Variants in DYM observed in about 807,000 individuals in gnomAD.
DYM encodes the protein dyggve-Melchior-Clausen syndrome protein.
Under a neutral mutation model 93.1 loss-of-function variants are expected in DYM, and 78 were observed. The observed-to-expected ratio is 0.84, with a 90% CI of 0.70 to 1.01. The LOEUF (loss-of-function observed/expected upper bound fraction) is 1.01, where lower values mean the gene tolerates loss of function less well. Among genes scored for constraint, DYM ranks in the 50% least tolerant of loss-of-function variants. The pLI is 0.00. For missense variants in DYM, 789 were observed against 845.0 expected, an observed-to-expected ratio of 0.93 and a Z score of 0.82; for synonymous variants, 321 against 319.7, an observed-to-expected ratio of 1.00 and a Z score of -0.04.
At chr18:49,411,611 G>A (rs911645933) in intron 2 of DYM, among the ~76,000 whole-genome samples, 21 of 152,046 alleles carry the variant, frequency 1.4e-4, no homozygotes, top group African/African-American at 4.8e-4. Context: ...AAAGCAGATA[G>A]GCAAAAAAAT....
chr18:49,447,989 G>C (rs896372268), intron 1 of DYM, among the ~76,000 whole-genome samples: 4 of 152,142 alleles, frequency 2.6e-5, no homozygotes, highest in Non-Finnish European at 4.4e-5. Flanking sequence ...TAGAGAGTAT[G>C]TGGTGTTTCA....
chr18:49,351,436 A>G (rs959766919), intron 6 of DYM, among the ~76,000 whole-genome samples: 1 of 152,164 alleles, frequency 6.6e-6, no homozygotes, highest in African/African-American at 2.4e-5. Context: ...AATATTGAAT[A>G]ACACAAAAAA....
At chr18:49,394,071 AT>A (rs1206147015) in intron 2 of DYM, among the ~76,000 whole-genome samples, 1 of 152,224 alleles carries the variant, frequency 6.6e-6, no homozygotes, top group Non-Finnish European at 1.5e-5. Flanking sequence ...TAATGATTGC[AT>A]GATAATGTGA....
At chr18:49,084,059 C>T (rs969965087) in intron 17 of DYM, among the ~76,000 whole-genome samples, 2 of 151,978 alleles carry the variant, frequency 1.3e-5, no homozygotes, top group African/African-American at 4.8e-5. Context: ...TTTTTAGTTT[C>T]TTAAGGTAGA....
chr18:49,112,060 G>A (rs1418692777), intron 16 of DYM, among the ~76,000 whole-genome samples: 1 of 151,680 alleles, frequency 6.6e-6, no homozygotes, highest in Non-Finnish European at 1.5e-5. Flanking sequence ...TGCAATAATG[G>A]GTCTCTACCT....
chr18:49,354,288 C>T (rs1042968837), intron 6 of DYM, among the ~76,000 whole-genome samples: 4 of 151,962 alleles, frequency 2.6e-5, no homozygotes, highest in African/African-American at 9.7e-5. Context: ...GGAGAAAATC[C>T]AAATGACCTT....
chr18:49,235,132 G>T lies in DYM; in HGVS notation c.1460+21878C>A, dbSNP rs147440553. On this transcript the variant is annotated intron_variant, in intron 13 of 17. Transcript: ENST00000675505. ...ACCAGCAGAGCCAAGTCAGATTTCTGATCTACAGAATTGTGGGATAACAAA... is the reference window on the plus strand; with the variant it reads ...ACCAGCAGAGCCAAGTCAGATTTCTTATCTACAGAATTGTGGGATAACAAA... Among the ~76,000 whole-genome samples the T allele has an allele frequency of 9.8e-3, 1,492 of 152,290 alleles. 74 individuals are homozygous for T. The highest frequency in any genetic ancestry group is 0.088 in the Admixed American group (1,352 of 15,298).
chr18:49,131,256 C>T (rs913817509), intron 15 of DYM, among the ~76,000 whole-genome samples: 3 of 152,176 alleles, frequency 2.0e-5, no homozygotes, highest in African/African-American at 7.2e-5. Flanking sequence ...TTGCAGATGC[C>T]ACCTTCTCCC....
rs1220708797 is a variant in DYM, at chr18:49,286,507, C to G, written c.873G>C (p.Leu291Phe). Residue 291 changes from leucine to phenylalanine, a missense_variant, in exon 9 of 18, where the codon TTG becomes TTC. Leu to Phe is a conservative substitution (Grantham distance 22). Transcript: ENST00000675505. ...CATCTGAGGCATCTGTCAGATTGGCCAACACCAGCAGAAGCAGGAGACTCT... is the reference window on the plus strand; with the variant it reads ...CATCTGAGGCATCTGTCAGATTGGCGAACACCAGCAGAAGCAGGAGACTCT... ...ANQSLLLLLV[L>F]ANLTDASDAP... The G allele has an allele frequency of 2.5e-6, 4 of 1,614,082 alleles. No individual in the cohort carries two copies. The highest frequency in any genetic ancestry group is 2.2e-5 in the South Asian group (2 of 91,086).
In DYM at chr18:49,145,134, T is replaced by TATATATATATATATATATATATATAA. The variant is rs1555778609; in HGVS notation, c.1728+18550_1728+18551insTTATATATATATATATATATATATAT. Among the ~76,000 whole-genome samples the TATATATATATATATATATATATATAA allele has an allele frequency of 3.5e-3, 282 of 79,500 alleles. 36 individuals carry two copies. The highest frequency in any genetic ancestry group is 5.1e-3 in the Non-Finnish European group (202 of 39,376). The allele number at this position is 79,500 out of a possible 152,430, so 52.2% of individuals were successfully genotyped here. Reference sequence around the variant, plus strand: ...ATATATATATATATATATATATATATAATTTATATATATAATATACAAATA... The same window carrying TATATATATATATATATATATATATAA: ...ATATATATATATATATATATATATATATATATATATATATATATATATATAAAATTTATATATATAATATACAAATA... On this transcript the variant is annotated intron_variant, in intron 15 of 17. Coordinates refer to ENST00000675505, the MANE Select transcript of DYM (RefSeq NM_001353214.3).
chr18:49,068,626 A>G (rs1196557125), intron 17 of DYM, among the ~76,000 whole-genome samples: 2 of 152,204 alleles, frequency 1.3e-5, no homozygotes, highest in Non-Finnish European at 2.9e-5. Context: ...TGAACTGGGT[A>G]CCCTGACACT....
rs560836388 is a variant in DYM at position 49,449,730 on chromosome 18, G to T, written c.-54+10668C>A. 2.0e-5 allele frequency among the ~76,000 whole-genome samples: 3 copies of T among 152,318 alleles called. No homozygotes were observed. The South Asian group carries it at 6.2e-4, about 32-fold the overall frequency. On this transcript the variant is annotated intron_variant, in intron 1 of 17. Transcript: ENST00000675505. The stretch of plus-strand genomic sequence containing the variant: ...CTGTAAAGTTTTAATTAATAAAAAA[G>T]AATTTGTGAGGTTGGTCTTAAGCTG...
intron 1 of DYM, among the ~76,000 whole-genome samples, chr18:49,434,943 C>CA (rs2080689235): frequency 6.6e-6 from 1 of 152,108 alleles, no homozygotes; most frequent in Non-Finnish European, 1.5e-5. Context: ...TGTGGTAGCT[C>CA]ATGCCTATAA....
At chr18:49,152,472 G>A (rs1686265366) in intron 15 of DYM, among the ~76,000 whole-genome samples, 2 of 152,184 alleles carry the variant, frequency 1.3e-5, no homozygotes, top group African/African-American at 4.8e-5. Flanking sequence ...AAGGAAAAAA[G>A]TGGTAGGGTC....
chr18:49,280,268 T>C (rs1420108148), intron 10 of DYM, among the ~76,000 whole-genome samples: 1 of 152,188 alleles, frequency 6.6e-6, no homozygotes, highest in Non-Finnish European at 1.5e-5. Context: ...ATTTCACTCA[T>C]GTAGTGATGG....
intron 5 of DYM, chr18:49,368,521 T>C (rs773654994): frequency 6.6e-6 from 1 of 152,174 alleles, no homozygotes. Context: ...CTATAACTAA[T>C]AAGGTTAAAT....
At chr18:49,371,304 A>C (rs1043741814) in intron 5 of DYM, among the ~76,000 whole-genome samples, 2 of 152,176 alleles carry the variant, frequency 1.3e-5, no homozygotes, top group African/African-American at 4.8e-5. Flanking sequence ...ATTTGAGACC[A>C]GCCTGGGCAA....
intron 6 of DYM, among the ~76,000 whole-genome samples, chr18:49,341,996 A>G (rs1450344395): frequency 6.6e-6 from 1 of 152,244 alleles, no homozygotes; most frequent in African/African-American, 2.4e-5. Context: ...GTTATCATAC[A>G]GTCCTGGGAG....
At chr18:49,305,002 T>C (rs1339382614) in intron 8 of DYM, among the ~76,000 whole-genome samples, 1 of 152,168 alleles carries the variant, frequency 6.6e-6, no homozygotes, top group Non-Finnish European at 1.5e-5. Flanking sequence ...TTCCACTCCC[T>C]GACTACCACT....
Sources: gnomAD v4.1 joint callset for allele counts (sites outside exome capture counted in the v4.1 genomes callset) on GRCh38, gnomAD v4.1.1 for gene constraint, MANE v1.5 for transcripts, NCBI Gene and HGNC (gene_info 2026-07-23, HGNC 2026-07-21) for gene names.